Variants in PDE12 observed in about 807,000 individuals in gnomAD.
PDE12 encodes the protein 2',5'-phosphodiesterase 12.
In PDE12, 26 loss-of-function variants were observed where a neutral mutation model predicts 45.4. The ratio of observed to expected loss-of-function variants is 0.57; its 90% CI spans 0.42 to 0.79. The LOEUF is 0.79. Among genes scored for constraint, PDE12 ranks in the 30% least tolerant of loss-of-function variants. PDE12 has a pLI of 0.00. For missense variants in PDE12, 668 were observed against 790.0 expected (o/e 0.85, Z 1.85); for synonymous variants, 283 against 323.9 (o/e 0.87, Z 1.36).
chr3:57,628,902 C>G, the PDE12 span: 2 of 1,603,248 alleles, frequency 1.2e-6, no homozygotes, highest in Non-Finnish European at 1.7e-6. Flanking sequence ...TAAATAAAGT[C>G]CCAAATCAGT....
chr3:57,646,250 C>T, the PDE12 span: 1 of 1,544,480 alleles, frequency 6.5e-7, no homozygotes, highest in Non-Finnish European at 8.7e-7. Flanking sequence ...CTGCAAATAT[C>T]ACCAACAGGT....
the PDE12 span, among the ~76,000 whole-genome samples, chr3:57,642,993 C>T: frequency 1.7e-4 from 22 of 127,632 alleles, no homozygotes; most frequent in Middle Eastern, 4.4e-3. Context: ...GGGACAAGAG[C>T]GAGACTTCAT....
At chr3:57,618,613 T>TG in the PDE12 span, among the ~76,000 whole-genome samples, 1,893 of 120,712 alleles carry the variant, frequency 0.016, 70 homozygotes, top group African/African-American at 0.049. Context: ...TTGTGTTTTT[T>TG]TTTTTTTTTT....
At position 57,560,018 on chromosome 3, in the gene PDE12, G is replaced by A. The variant is rs1448339309; in HGVS notation, c.*14G>A. The A allele has an allele frequency of 6.4e-7, 1 of 1,573,124 alleles. No individual in the cohort carries two copies. The highest frequency in any genetic ancestry group is 8.6e-7 in the Non-Finnish European group (1 of 1,163,824). On this transcript the variant is annotated 3_prime_UTR_variant, in exon 3 of 3. Coordinates refer to ENST00000311180, the MANE Select transcript of PDE12 (RefSeq NM_177966.7). ...AAATGGAAATAGATGTGTGTTTAAT[G>A]GAATTGAAGTCTGAAAAGGAAGTAG...
At position 57,561,456 on chromosome 3, in the gene PDE12, T is replaced by C. The variant is rs1238107900; in HGVS notation, c.*1452T>C. ...TATATAGTAAAATGAAATTTAAATA[T>C]GAAGCCAAACTTTTTAAAATTAGAA... On this transcript the variant is annotated 3_prime_UTR_variant, in exon 3 of 3. Coordinates refer to ENST00000311180, the MANE Select transcript of PDE12 (RefSeq NM_177966.7). 1.0e-6 allele frequency: 1 copy of C among 980,466 alleles called. No homozygotes were observed. Among genetic ancestry groups the C allele is most frequent in the Non-Finnish European group, 1.2e-6 (1 of 825,314 alleles). The allele number at this position is 980,466 out of a possible 1,614,324, so 60.7% of individuals were successfully genotyped here.
chr3:57,594,466 T>C, the PDE12 span, among the ~76,000 whole-genome samples: 1 of 152,204 alleles, frequency 6.6e-6, no homozygotes, highest in African/African-American at 2.4e-5. Flanking sequence ...TAGTACATAA[T>C]TTCTGTCAAT....
chr3:57,602,374 C>A, the PDE12 span, among the ~76,000 whole-genome samples: 1 of 152,136 alleles, frequency 6.6e-6, no homozygotes, highest in Non-Finnish European at 1.5e-5. Flanking sequence ...TCTCTAAACA[C>A]TTATTTATCT....
At chr3:57,641,423 T>TAGAATAATAATATTATTTTATA in the PDE12 span, among the ~76,000 whole-genome samples, 3 of 147,944 alleles carry the variant, frequency 2.0e-5, no homozygotes, top group East Asian at 5.9e-4. Flanking sequence ...TATATTATTA[T>TAGAATAATAATATTATTTTATA]TCTATAATAA....
downstream of PDE12, among the ~76,000 whole-genome samples, chr3:57,569,652 AGCCT>A (rs2069817009): frequency 6.6e-6 from 1 of 151,750 alleles, no homozygotes; most frequent in African/African-American, 2.4e-5. Context: ...CACCCCACCC[AGCCT>A]AATACTTTCT....
chr3:57,593,547 A>G, the PDE12 span, among the ~76,000 whole-genome samples: 1 of 152,250 alleles, frequency 6.6e-6, no homozygotes, highest in Non-Finnish European at 1.5e-5. Flanking sequence ...CACTACACTG[A>G]TATCAGCAAA....
the PDE12 span, among the ~76,000 whole-genome samples, chr3:57,642,824 G>A: frequency 6.6e-6 from 1 of 152,080 alleles, no homozygotes; most frequent in Admixed American, 6.5e-5. Context: ...TGGCCAACAC[G>A]GTGAAACCCC....
At chr3:57,579,481 T>G in the PDE12 span, among the ~76,000 whole-genome samples, 654 of 151,942 alleles carry the variant, frequency 4.3e-3, 6 homozygotes, top group African/African-American at 0.015. Context: ...AGAGATGAGA[T>G]TTTACTATGT....
At chr3:57,598,839 C>T in the PDE12 span, among the ~76,000 whole-genome samples, 105 of 152,240 alleles carry the variant, frequency 6.9e-4, no homozygotes, top group Non-Finnish European at 1.3e-3. Context: ...AAGTACCCTC[C>T]TTTGCATTGG....
the PDE12 span, among the ~76,000 whole-genome samples, chr3:57,652,720 A>G: frequency 2.0e-5 from 3 of 152,202 alleles, no homozygotes; most frequent in Non-Finnish European, 4.4e-5. Flanking sequence ...ATCATCAATA[A>G]CAAGTCAAGC....
At chr3:57,579,548 A>G in the PDE12 span, among the ~76,000 whole-genome samples, 2 of 151,988 alleles carry the variant, frequency 1.3e-5, 1 homozygote, top group South Asian at 4.1e-4. Flanking sequence ...TTGGCCTCCC[A>G]AAGTGCTGGG....
chr3:57,648,408 A>G, the PDE12 span, among the ~76,000 whole-genome samples: 126,197 of 152,102 alleles, frequency 0.83, 52,630 homozygotes, highest in East Asian at 1. Flanking sequence ...TCAATATTGT[A>G]AAAATGACCA....
At chr3:57,569,590 A>G (rs1339145791), downstream of PDE12, among the ~76,000 whole-genome samples, 2 of 152,066 alleles carry the variant, frequency 1.3e-5, no homozygotes, top group East Asian at 1.9e-4. Context: ...TCCCAACCTC[A>G]GGTGATCCAC....
At chr3:57,567,185 G>A (rs949226592), downstream of PDE12, among the ~76,000 whole-genome samples, 1 of 151,970 alleles carries the variant, frequency 6.6e-6, no homozygotes, top group South Asian at 2.1e-4. Context: ...GGTGGTACAC[G>A]CCTGTAGTCC....
chr3:57,559,474 C>G, intron 2 of PDE12, 86 bp downstream of exon 2: 2 of 1,560,306 alleles, frequency 1.3e-6, no homozygotes, highest in South Asian at 2.3e-5. Flanking sequence ...TTGAACGTCA[C>G]CCAGAGACTG....
Sources: gnomAD v4.1 joint callset for allele counts (sites outside exome capture counted in the v4.1 genomes callset) on GRCh38, gnomAD v4.1.1 for gene constraint, MANE v1.5 for transcripts, NCBI Gene and HGNC (gene_info 2026-07-23, HGNC 2026-07-21) for gene names.